Variants in CAB39 observed in about 807,000 individuals in gnomAD.
CAB39 encodes the protein calcium binding protein 39, also known as calcium-binding protein 39.
Under a neutral mutation model 40.0 loss-of-function variants are expected in CAB39, and 8 were observed. The observed-to-expected ratio is 0.20, with a 90% CI of 0.12 to 0.36. The LOEUF (loss-of-function observed/expected upper bound fraction) is 0.36. Among genes scored for constraint, CAB39 ranks in the 10% least tolerant of loss-of-function variants. The pLI is 1.00. For synonymous variants in CAB39, 156 were observed against 141.6 expected, an observed-to-expected ratio of 1.10 and a Z score of -0.72; for missense variants, 270 against 401.1, an observed-to-expected ratio of 0.67 and a Z score of 2.79.
intron 2 of CAB39, among the ~76,000 whole-genome samples, chr2:230,785,574 A>G (rs79751133): frequency 2.0e-5 from 3 of 152,090 alleles, no homozygotes; most frequent in African/African-American, 7.3e-5. Context: ...ATCCAAAAGC[A>G]GATGAGGATT....
chr2:230,722,598 A>G (rs1694473554), intron 1 of CAB39, among the ~76,000 whole-genome samples: 1 of 152,218 alleles, frequency 6.6e-6, no homozygotes, highest in South Asian at 2.1e-4. Flanking sequence ...CAGCTTTCTC[A>G]TTTGTAACAT....
chr2:230,717,410 T>G (rs904293294), intron 1 of CAB39, among the ~76,000 whole-genome samples: 7 of 152,200 alleles, frequency 4.6e-5, no homozygotes, highest in African/African-American at 7.2e-5. Flanking sequence ...TTCTGTGCCC[T>G]TAGTGACTTT....
At position 230,808,994 on chromosome 2, in the gene CAB39, G is replaced by A. The variant is rs562897936; in HGVS notation, c.568-1269G>A. ...GGAACTTACAGTGTAGCATAAGAGA[G>A]ACTTGAATCAAATAATCCCACAAAC... On this transcript the variant is annotated intron_variant, in intron 5 of 8. Transcript: ENST00000258418. 3.1e-4 allele frequency among the ~76,000 whole-genome samples: 47 copies of A among 152,338 alleles called. No individual in the cohort carries two copies. The South Asian group carries it at 6.8e-3, about 22-fold the overall frequency.
intron 1 of CAB39, among the ~76,000 whole-genome samples, chr2:230,739,521 G>A (rs1694840376): frequency 6.6e-6 from 1 of 152,174 alleles, no homozygotes; most frequent in South Asian, 2.1e-4. Flanking sequence ...TTGAGACAGA[G>A]TTTCGCCCTG....
Position 230,819,736 on chromosome 2 carries a change from C to T in CAB39, c.*1032C>T, listed in dbSNP as rs1696473154. 6.6e-6 allele frequency: 1 copy of T among 152,256 alleles called. No homozygotes were observed. The highest frequency in any genetic ancestry group is 2.4e-5 in the African/African-American group (1 of 41,466). The allele number at this position is 152,256 out of a possible 1,614,324, so 9.4% of individuals were successfully genotyped here. A position where few individuals can be genotyped will look rare whatever the true frequency, so the allele number is the denominator to read the frequency against. Reference sequence around the variant, plus strand: ...GTGCCATCAATAAGCTGCGATACAGCCCTGGAGCTCAGTCAGCCACACCTT... The same window carrying T: ...GTGCCATCAATAAGCTGCGATACAGTCCTGGAGCTCAGTCAGCCACACCTT... On this transcript the variant is annotated 3_prime_UTR_variant, in exon 9 of 9. Transcript: ENST00000258418.
rs1696357583 is a variant in CAB39 at position 230,814,151 on chromosome 2, AC to A, written c.693+39del. 6 of 1,013,128 alleles carry A rather than the reference AC, an allele frequency of 5.9e-6. No homozygotes were observed. In the East Asian group the frequency reaches 1.3e-4, roughly 21 times the overall value. The allele number at this position is 1,013,128 out of a possible 1,614,324, so 62.8% of individuals were successfully genotyped here. On this transcript the variant is annotated intron_variant, in intron 7 of 8. Transcript: ENST00000258418. ...CATTTTGTATAGCTTATTTCTCTGT[AC>A]CTTGTGTTTGAAATGTGGATTTGGG...
At chr2:230,785,166 G>T (rs1461475732) in intron 2 of CAB39, among the ~76,000 whole-genome samples, 1 of 152,142 alleles carries the variant, frequency 6.6e-6, no homozygotes, top group East Asian at 1.9e-4. Flanking sequence ...GTAAGAAATT[G>T]TGACTTTTCA....
In CAB39 at chr2:230,748,174, A is replaced by G. The variant is rs531212975; in HGVS notation, c.-43-11785A>G. ...GAGAAGCCTGACATCTGTCCTGTGA[A>G]GTGTCCATTTTCTGGGTTTGATTTA... On this transcript the variant is annotated intron_variant, in intron 1 of 8. Coordinates refer to ENST00000258418, the MANE Select transcript of CAB39 (RefSeq NM_016289.4). Among the ~76,000 whole-genome samples the G allele has an allele frequency of 9.9e-5, 15 of 151,482 alleles. No individual in the cohort carries two copies. In the South Asian group the frequency reaches 2.9e-3, roughly 29 times the overall value.
chr2:230,734,266 C>A (rs989581872), intron 1 of CAB39, among the ~76,000 whole-genome samples: 32 of 152,200 alleles, frequency 2.1e-4, no homozygotes, highest in African/African-American at 7.7e-4. Context: ...ACTGCATTTC[C>A]TTGCTTATTC....
chr2:230,776,703 C>T (rs914243336), intron 2 of CAB39, among the ~76,000 whole-genome samples: 2 of 151,742 alleles, frequency 1.3e-5, no homozygotes, highest in African/African-American at 4.8e-5. Flanking sequence ...TTTTTCTTCC[C>T]CCCCCGAGAT....
intron 2 of CAB39, among the ~76,000 whole-genome samples, chr2:230,774,061 T>C (rs1695540478): frequency 6.6e-6 from 1 of 152,220 alleles, no homozygotes; most frequent in African/African-American, 2.4e-5. Context: ...GAATTGATTC[T>C]GGTTTCCCGT....
At chr2:230,713,571 G>A in intron 1 of CAB39, 1 of 152,428 alleles carries the variant, frequency 6.6e-6, no homozygotes, top group East Asian at 1.9e-4. Flanking sequence ...GGGAAGTGCG[G>A]GCCGGGTCAA....
At chr2:230,715,479 A>G (rs751221966) in intron 1 of CAB39, among the ~76,000 whole-genome samples, 2 of 152,214 alleles carry the variant, frequency 1.3e-5, no homozygotes, top group African/African-American at 2.4e-5. Flanking sequence ...GGATGTTGTC[A>G]AAAGATTACT....
chr2:230,736,748 C>G (rs1454577280), intron 1 of CAB39, among the ~76,000 whole-genome samples: 2 of 152,130 alleles, frequency 1.3e-5, no homozygotes, highest in African/African-American at 2.4e-5. Context: ...CTTCTCTGAT[C>G]TCAACAGTGT....
At chr2:230,809,035 G>A (rs190655794) in intron 5 of CAB39, among the ~76,000 whole-genome samples, 122 of 152,306 alleles carry the variant, frequency 8.0e-4, no homozygotes, top group Non-Finnish European at 2.5e-4. Flanking sequence ...TAGAGTCACA[G>A]CTATGTCCAG....
At chr2:230,781,237 A>G (rs1695681455) in intron 2 of CAB39, among the ~76,000 whole-genome samples, 1 of 152,222 alleles carries the variant, frequency 6.6e-6, no homozygotes, top group African/African-American at 2.4e-5. Context: ...TTATGTTAAT[A>G]TAGGAGGAGT....
chr2:230,794,715 A>G (rs904540717), intron 4 of CAB39, among the ~76,000 whole-genome samples: 2 of 152,178 alleles, frequency 1.3e-5, no homozygotes, highest in African/African-American at 4.8e-5. Context: ...TGTGAAAAAT[A>G]TACGTACAAC....
intron 1 of CAB39, chr2:230,725,093 G>C: frequency 6.3e-7 from 1 of 1,592,266 alleles, no homozygotes; most frequent in Non-Finnish European, 8.6e-7. Context: ...GTCCCTACTC[G>C]GCTGCAAACT....
intron 4 of CAB39, among the ~76,000 whole-genome samples, chr2:230,798,022 G>A (rs565466924): frequency 4.5e-4 from 69 of 152,290 alleles, no homozygotes; most frequent in African/African-American, 1.5e-3. Context: ...ACATCTGAAG[G>A]GGAAATGCCT....
Sources: allele counts gnomAD v4.1 joint callset (sites outside exome capture counted in the v4.1 genomes callset), GRCh38; gene constraint gnomAD v4.1.1; transcripts MANE v1.5; gene names NCBI Gene and HGNC (gene_info 2026-07-23, HGNC 2026-07-21).